NBAS: variants seen among roughly 807,000 people sequenced by gnomAD.
The protein encoded by NBAS is NBAS subunit of NRZ tethering complex, also known as NAG/BC035112 fusion.
In NBAS, 219 loss-of-function variants were observed where a neutral mutation model predicts 302.5. That is an observed-to-expected ratio of 0.72 (90% confidence interval 0.65 to 0.81). The LOEUF is 0.81. Ranked by LOEUF, NBAS falls within the 30% of genes least tolerant of loss-of-function variation. The pLI is 0.00. For synonymous variants in NBAS, 1,118 were observed against 1,021.6 expected, an observed-to-expected ratio of 1.09 and a Z score of -1.80; for missense variants, 2,932 against 2,841.6, an observed-to-expected ratio of 1.03 and a Z score of -0.72.
At chr2:15,349,866 A>G (rs1016109054) in intron 35 of NBAS, among the ~76,000 whole-genome samples, 4 of 152,146 alleles carry the variant, frequency 2.6e-5, no homozygotes, top group African/African-American at 9.7e-5. Flanking sequence ...CAAGTGCTCA[A>G]TAGCTCTGTG....
the NBAS span, among the ~76,000 whole-genome samples, chr2:14,952,740 A>C: frequency 5.3e-5 from 8 of 152,326 alleles, no homozygotes; most frequent in South Asian, 1.4e-3. Context: ...AACACCCAGC[A>C]CCCAGCAGAG....
rs147720669 is a variant in NBAS at position 15,436,658 on chromosome 2, G to A, written c.2340-8864C>T. ...GTCTTTAACTGTGTCAGTCAATGCG[G>A]TGTTCATTAGAGGAAAAAAATTGAA... On this transcript the variant is annotated intron_variant, in intron 21 of 51. Transcript: ENST00000281513. Among the ~76,000 whole-genome samples the A allele has an allele frequency of 6.7e-3, 1,013 of 152,262 alleles. 11 individuals are homozygous for A. Among genetic ancestry groups the A allele is most frequent in the African/African-American group, 0.022 (923 of 41,540 alleles).
the NBAS span, among the ~76,000 whole-genome samples, chr2:15,116,819 C>G: frequency 6.6e-6 from 1 of 152,084 alleles, no homozygotes; most frequent in Non-Finnish European, 1.5e-5. Flanking sequence ...AAACAGTGAG[C>G]TTTCTTCCTC....
At chr2:15,541,240 A>C (rs1233546533) in intron 6 of NBAS, among the ~76,000 whole-genome samples, 1 of 152,196 alleles carries the variant, frequency 6.6e-6, no homozygotes, top group Non-Finnish European at 1.5e-5. Context: ...GAGCTCACTG[A>C]AATCAGAAAC....
At chr2:14,863,738 T>G in the NBAS span, among the ~76,000 whole-genome samples, 2 of 152,228 alleles carry the variant, frequency 1.3e-5, no homozygotes, top group Non-Finnish European at 2.9e-5. Context: ...CGAATTGGCT[T>G]TTAATACATG....
intron 5 of NBAS, among the ~76,000 whole-genome samples, chr2:15,553,024 C>CA (rs1460385217): frequency 6.6e-6 from 1 of 152,068 alleles, no homozygotes; most frequent in Admixed American, 6.6e-5. Context: ...AGGATGGTCT[C>CA]AATCTCTTGA....
chr2:15,327,974 T>C, intron 37 of NBAS, 104 bp from the exon 38 acceptor site: 3 of 1,454,684 alleles, frequency 2.1e-6, no homozygotes, highest in Non-Finnish European at 2.9e-6. Flanking sequence ...GTGACTTGAA[T>C]AATAACTGCT....
intron 48 of NBAS, among the ~76,000 whole-genome samples, chr2:15,204,088 C>A (rs1666025294): frequency 6.6e-6 from 1 of 151,852 alleles, no homozygotes; most frequent in Non-Finnish European, 1.5e-5. Context: ...ATAGTGAGAC[C>A]CCATCTCTAC....
chr2:14,907,664 A>C, the NBAS span: 33 of 152,350 alleles, frequency 2.2e-4, no homozygotes, highest in African/African-American at 7.7e-4. Context: ...AAAATTACGA[A>C]GATATTTCCT....
At chr2:15,258,399 AAG>A (rs1383380460) in intron 44 of NBAS, among the ~76,000 whole-genome samples, 1 of 152,144 alleles carries the variant, frequency 6.6e-6, no homozygotes, top group East Asian at 1.9e-4. Context: ...GTTGGGCAAA[AAG>A]AGCCATATTT....
At chr2:15,373,975 C>G (rs1674608219) in intron 31 of NBAS, among the ~76,000 whole-genome samples, 1 of 152,094 alleles carries the variant, frequency 6.6e-6, no homozygotes, top group Non-Finnish European at 1.5e-5. Flanking sequence ...GGTTTAAGGT[C>G]CAGTACACCA....
chr2:14,862,542 AAAAC>A, the NBAS span, among the ~76,000 whole-genome samples: 6 of 152,194 alleles, frequency 3.9e-5, no homozygotes, highest in East Asian at 7.7e-4. Context: ...TGAAGAGAAA[AAAAC>A]AAACAAACAA....
chr2:15,413,535 C>G (rs1254588777), intron 25 of NBAS, among the ~76,000 whole-genome samples: 1 of 152,110 alleles, frequency 6.6e-6, no homozygotes, highest in East Asian at 1.9e-4. Flanking sequence ...GTGAAGAAAA[C>G]GGGATCACTA....
At position 15,461,770 on chromosome 2, in the gene NBAS, C is replaced by G; in HGVS notation, c.2119G>C (p.Ala707Pro). The G allele has an allele frequency of 6.2e-7, 1 of 1,602,106 alleles. No homozygotes were observed. Among genetic ancestry groups the G allele is most frequent in the African/African-American group, 1.3e-5 (1 of 74,650 alleles). Residue 707 changes from alanine (A) to proline (P), a missense_variant, in exon 20 of 52, where the codon GCA (alanine) becomes CCA (proline). Coordinates refer to ENST00000281513, the MANE Select transcript of NBAS (RefSeq NM_015909.4). ...TYEEILGVPH[A>P]SEQRYDAEFF... ...TCAGCATCATATCTCTGTTCAGATG[C>G]ATGAGGCACTCCTAGGATTTCCTGA...
rs754370121 is a variant in NBAS at position 15,417,710 on chromosome 2, C to A, written c.2580G>T (p.Val860=). The change falls in exon 24 of 52, where the codon GTG becomes GTT. Residue 860 remains valine (V), a splice_region_variant and synonymous_variant. Coordinates refer to ENST00000281513, the MANE Select transcript of NBAS (RefSeq NM_015909.4). ...GTCGAATAAGTGACAATGCACAGTC[C>A]ACCTAAAATTGAAAAGCAACAATAA... is the stretch of plus-strand genomic sequence containing the variant. The part of the protein sequence containing the change: ...AEEIEHYARQ[V]DCALSLIRLG... The A allele has an allele frequency of 6.2e-7, 1 of 1,613,522 alleles. No individual in the cohort carries two copies. Among genetic ancestry groups the A allele is most frequent in the Non-Finnish European group, 8.5e-7 (1 of 1,179,692 alleles).
the NBAS span, among the ~76,000 whole-genome samples, chr2:14,947,376 C>T: frequency 6.6e-6 from 1 of 151,998 alleles, no homozygotes; most frequent in African/African-American, 2.4e-5. Context: ...TCATCAGAGG[C>T]TATCAGGAGT....
chr2:15,417,806 A>G (rs1172949882), intron 23 of NBAS, 94 bp from the exon 24 acceptor site: 1 of 1,230,620 alleles, frequency 8.1e-7, no homozygotes, highest in Non-Finnish European at 1.1e-6. Flanking sequence ...AATTCTTATA[A>G]TCATTTTTTA....
rs75388983 is a variant in NBAS at position 15,476,147 on chromosome 2, T to C, written c.1148-267A>G. On this transcript the variant is annotated intron_variant, in intron 13 of 51. Transcript: ENST00000281513. ...TCTAAGGATACAAAGGCAAATAAAC[T>C]GAGGTCTTTCATTTCAAGAATACAC... 8.6e-3 allele frequency among the ~76,000 whole-genome samples: 1,304 copies of C among 152,218 alleles called. 21 individuals are homozygous for C. The highest frequency in any genetic ancestry group is 0.059 in the East Asian group (304 of 5,168).
chr2:15,494,374 A>C (rs984095653), intron 11 of NBAS, among the ~76,000 whole-genome samples: 2 of 152,236 alleles, frequency 1.3e-5, no homozygotes, highest in African/African-American at 4.8e-5. Context: ...GGTTGCCCCA[A>C]GGATAAAATT....
Sources: gnomAD v4.1 joint callset for allele counts (sites outside exome capture counted in the v4.1 genomes callset) on GRCh38, gnomAD v4.1.1 for gene constraint, MANE v1.5 for transcripts, NCBI Gene and HGNC (gene_info 2026-07-23, HGNC 2026-07-21) for gene names.